BIN3: variants seen among roughly 807,000 people sequenced by gnomAD.
BIN3 encodes the protein bridging integrator 3.
A neutral mutation model predicts 38.2 loss-of-function variants in BIN3; 41 were observed. That is an observed-to-expected ratio of 1.07 (90% confidence interval 0.84 to 1.39). BIN3 has a LOEUF of 1.39. Ranked by LOEUF, BIN3 falls within the 40% of genes most tolerant of loss-of-function variation. The pLI, the probability that BIN3 is intolerant of heterozygous loss-of-function variation, is 0.00. For synonymous variants in BIN3, 145 were observed against 122.6 expected, an observed-to-expected ratio of 1.18 and a Z score of -1.21; for missense variants, 361 against 324.3, an observed-to-expected ratio of 1.11 and a Z score of -0.87.
intron 2 of BIN3, 97 bp from the exon 3 acceptor site, chr8:22,637,059 C>A: frequency 9.2e-7 from 1 of 1,083,742 alleles, no homozygotes; most frequent in Non-Finnish European, 1.4e-6. Context: ...CTGCCCCAGT[C>A]CGCAGAAAAC....
intron 4 of BIN3, 61 bp from the exon 5 acceptor site, chr8:22,630,639 C>A: frequency 6.3e-7 from 1 of 1,592,562 alleles, no homozygotes; most frequent in South Asian, 1.1e-5. Context: ...GGCCTTCTCT[C>A]CAGGACCCCG....
intron 6 of BIN3, among the ~76,000 whole-genome samples, chr8:22,629,118 A>G (rs1449006956): frequency 6.6e-6 from 1 of 152,216 alleles, no homozygotes; most frequent in African/African-American, 2.4e-5. Flanking sequence ...CAGCTCAGCA[A>G]TCCGAAACAC....
chr8:22,633,369 T>C (rs1180914501), intron 4 of BIN3, among the ~76,000 whole-genome samples: 1 of 152,164 alleles, frequency 6.6e-6, no homozygotes, highest in Non-Finnish European at 1.5e-5. Context: ...CCCCAGCCCA[T>C]ACCCCTCATT....
intron 1 of BIN3, among the ~76,000 whole-genome samples, chr8:22,666,826 TTGG>T (rs1183017163): frequency 6.6e-6 from 1 of 152,226 alleles, no homozygotes; most frequent in African/African-American, 2.4e-5. Context: ...GCCCATGTAC[TTGG>T]TGAACTTGAC....
chr8:22,652,964 C>T (rs1479841953), intron 1 of BIN3, among the ~76,000 whole-genome samples: 1 of 152,164 alleles, frequency 6.6e-6, no homozygotes, highest in African/African-American at 2.4e-5. Context: ...TTTTCTACTA[C>T]TGATGGTTTA....
chr8:22,649,696 CCAAAAA>C (rs923487201), intron 1 of BIN3, among the ~76,000 whole-genome samples: 51 of 151,544 alleles, frequency 3.4e-4, no homozygotes, highest in East Asian at 1.4e-3. Flanking sequence ...TTCAAATAAA[CCAAAAA>C]CAAAAACAAA....
intron 3 of BIN3, 126 bp downstream of exon 3, chr8:22,636,795 GT>G (rs1224592961): frequency 8.7e-7 from 1 of 1,146,550 alleles, no homozygotes. Context: ...CAGCAGCCTG[GT>G]GACCTGAGCT....
At chr8:22,637,167 C>T (rs911961873) in intron 2 of BIN3, among the ~76,000 whole-genome samples, 3 of 152,194 alleles carry the variant, frequency 2.0e-5, no homozygotes, top group Non-Finnish European at 1.5e-5. Context: ...GAGGAAGGCT[C>T]CCCTCCCAGA....
At chr8:22,632,296 TGCCTCCGCCAG>T (rs2117522368) in intron 4 of BIN3, among the ~76,000 whole-genome samples, 1 of 152,300 alleles carries the variant, frequency 6.6e-6, no homozygotes, top group South Asian at 2.1e-4. Context: ...GGGAAGGGTC[TGCCTCCGCCAG>T]GCCCCTTCAC....
In BIN3 at chr8:22,663,266, G is replaced by C. The variant is rs150585758; in HGVS notation, c.8+5778C>G. ...TCAAAGGTATTTCTAACTGTGAGTT[G>C]TGTTCAAAAAATTGTGGAAACTAGT... is the stretch of plus-strand genomic sequence containing the variant. On this transcript the variant is annotated intron_variant, in intron 1 of 8. Transcript: ENST00000276416. 5.9e-5 allele frequency among the ~76,000 whole-genome samples: 9 copies of C among 151,886 alleles called. No individual in the cohort carries two copies. The East Asian group carries it at 1.7e-3, about 29-fold the overall frequency.
chr8:22,658,007 C>T (rs903142019), intron 1 of BIN3, among the ~76,000 whole-genome samples: 1 of 152,244 alleles, frequency 6.6e-6, no homozygotes, highest in South Asian at 2.1e-4. Flanking sequence ...TGCCTCAGTG[C>T]TCCCCTTGGA....
intron 1 of BIN3, among the ~76,000 whole-genome samples, chr8:22,658,026 C>T (rs564198445): frequency 4.1e-4 from 63 of 152,308 alleles, no homozygotes; most frequent in African/African-American, 1.4e-3. Flanking sequence ...GAATCAGGGG[C>T]GTGGGCAGAG....
At chr8:22,622,271 G>A (rs1484476430) in intron 8 of BIN3, among the ~76,000 whole-genome samples, 3 of 152,222 alleles carry the variant, frequency 2.0e-5, no homozygotes, top group Non-Finnish European at 2.9e-5. Flanking sequence ...TCTACCTCAT[G>A]ACCCAATGAA....
intron 2 of BIN3, among the ~76,000 whole-genome samples, chr8:22,639,903 C>A (rs1257468009): frequency 6.6e-6 from 1 of 152,106 alleles, no homozygotes; most frequent in Non-Finnish European, 1.5e-5. Context: ...CTCTTGTCAC[C>A]CAGGCTACAG....
intron 1 of BIN3, among the ~76,000 whole-genome samples, chr8:22,666,471 G>A (rs543794841): frequency 6.6e-6 from 1 of 152,294 alleles, no homozygotes; most frequent in East Asian, 1.9e-4. Flanking sequence ...AGGCCAAGAA[G>A]TGAATCTGTG....
chr8:22,624,782 C>G (rs190000470), intron 6 of BIN3: 71 of 200,588 alleles, frequency 3.5e-4, no homozygotes, highest in Middle Eastern at 4.0e-3. Context: ...TTGAAGTCAT[C>G]TGGCCAACAC....
chr8:22,644,544 C>T, intron 2 of BIN3: 1 of 544,378 alleles, frequency 1.8e-6, no homozygotes, highest in Non-Finnish European at 3.3e-6. Flanking sequence ...TGATAAAGAG[C>T]CCAGGCTAAC....
chr8:22,651,733 T>C (rs560814405), intron 1 of BIN3, among the ~76,000 whole-genome samples: 83 of 152,324 alleles, frequency 5.4e-4, no homozygotes, highest in Non-Finnish European at 1.0e-3. Flanking sequence ...CACAATCTTA[T>C]AGGAATATAT....
intron 1 of BIN3, among the ~76,000 whole-genome samples, chr8:22,667,741 A>T (rs188433429): frequency 5.9e-5 from 9 of 152,260 alleles, no homozygotes; most frequent in Admixed American, 5.9e-4. Flanking sequence ...GCTTATTAGG[A>T]CATTGCTTCA....
Sources: gnomAD v4.1 joint callset for allele counts (sites outside exome capture counted in the v4.1 genomes callset) on GRCh38, gnomAD v4.1.1 for gene constraint, MANE v1.5 for transcripts, NCBI Gene and HGNC (gene_info 2026-07-23, HGNC 2026-07-21) for gene names.